RIMS1: variants seen among roughly 807,000 people sequenced by gnomAD.
RIMS1 encodes regulating synaptic membrane exocytosis protein 1.
RIMS1 carries 83 observed loss-of-function variants against 214.1 expected under a neutral mutation model. The ratio of observed to expected loss-of-function variants is 0.39; its 90% CI spans 0.32 to 0.47. The LOEUF (loss-of-function observed/expected upper bound fraction) is 0.47. Among genes scored for constraint, RIMS1 ranks in the 20% least tolerant of loss-of-function variants. The pLI, the probability that RIMS1 is intolerant of heterozygous loss-of-function variation, is 0.99. For synonymous variants in RIMS1, 793 were observed against 786.8 expected, an observed-to-expected ratio of 1.01 and a Z score of -0.13; for missense variants, 2,050 against 2,161.8, an observed-to-expected ratio of 0.95 and a Z score of 1.03.
rs772728844 is a variant in RIMS1, at chr6:72,258,321, T to A, written c.2927+40T>A. The stretch of plus-strand genomic sequence containing the variant: ...GGGCTCAGTGTCCCTGACAGTACAT[T>A]TTTATTATAATGCAGTGTAAATTGC... On this transcript the variant is annotated intron_variant, in intron 17 of 33. Transcript: ENST00000521978. The A allele has an allele frequency of 1.6e-5, 25 of 1,565,332 alleles. No individual in the cohort carries two copies. The African/African-American group carries it at 3.1e-4, about 20-fold the overall frequency.
chr6:72,108,753 G>A (rs1019491057), intron 4 of RIMS1, among the ~76,000 whole-genome samples: 11 of 151,350 alleles, frequency 7.3e-5, no homozygotes, highest in African/African-American at 2.4e-4. Context: ...ACAATATGCA[G>A]GTTAGTTACA....
chr6:72,306,273 C>T (rs750091910), intron 26 of RIMS1, among the ~76,000 whole-genome samples: 59 of 151,608 alleles, frequency 3.9e-4, no homozygotes, highest in Non-Finnish European at 2.4e-4. Context: ...ACACACACAG[C>T]CCTACAACTT....
intron 2 of RIMS1, among the ~76,000 whole-genome samples, chr6:71,992,966 CT>C (rs912281173): frequency 6.6e-6 from 1 of 152,090 alleles, no homozygotes; most frequent in Non-Finnish European, 1.5e-5. Flanking sequence ...TGGCCTTTGT[CT>C]TTTTTAATTT....
intron 1 of RIMS1, among the ~76,000 whole-genome samples, chr6:71,894,712 G>A (rs968319388): frequency 7.2e-5 from 11 of 152,052 alleles, no homozygotes; most frequent in Non-Finnish European, 1.5e-4. Context: ...GAGTTTAGAT[G>A]GCAAAATGAG....
At chr6:71,912,623 T>C (rs2099085509) in intron 1 of RIMS1, among the ~76,000 whole-genome samples, 1 of 152,098 alleles carries the variant, frequency 6.6e-6, no homozygotes, top group Non-Finnish European at 1.5e-5. Context: ...ACCAAGAACA[T>C]CTTAAATGGT....
intron 23 of RIMS1, among the ~76,000 whole-genome samples, chr6:72,276,163 C>T (rs181072151): frequency 6.6e-6 from 1 of 152,264 alleles, no homozygotes; most frequent in Non-Finnish European, 1.5e-5. Context: ...TGTAGTGAGC[C>T]ATGGTCATAC....
intron 28 of RIMS1, among the ~76,000 whole-genome samples, chr6:72,322,869 T>A (rs552192286): frequency 6.6e-6 from 1 of 152,180 alleles, no homozygotes; most frequent in East Asian, 1.9e-4. Flanking sequence ...GTGGAAGGCT[T>A]CAAATTTTGC....
rs1291242321 is a variant in RIMS1, at chr6:72,394,044, A to G, written c.4618+1234A>G. Among the ~76,000 whole-genome samples, 3 of 151,046 alleles carry G rather than the reference A, an allele frequency of 2.0e-5. No homozygotes were observed. In the South Asian group the frequency reaches 6.2e-4, roughly 31 times the overall value. ...TGAACTAAAAAAAAAAAAAAAAAAG[A>G]TGGAACCAAAAAACAAATGCTTCCT... On this transcript the variant is annotated intron_variant, in intron 31 of 33. Transcript: ENST00000521978.
chr6:72,102,762 C>A (rs1405911341), intron 4 of RIMS1, among the ~76,000 whole-genome samples: 2 of 151,954 alleles, frequency 1.3e-5, no homozygotes, highest in African/African-American at 4.8e-5. Context: ...CTCTTAAATA[C>A]CAAAGTGATG....
chr6:71,925,241 G>A (rs1038097532), intron 1 of RIMS1, among the ~76,000 whole-genome samples: 9 of 152,104 alleles, frequency 5.9e-5, no homozygotes, highest in East Asian at 3.8e-4. Flanking sequence ...ATGTGACTCC[G>A]TCTGACCTTA....
chr6:72,244,467 C>A (rs1243948273), intron 10 of RIMS1, among the ~76,000 whole-genome samples: 1 of 151,740 alleles, frequency 6.6e-6, no homozygotes, highest in African/African-American at 2.4e-5. Context: ...GGCTTTAGAA[C>A]TTCAAATTCT....
chr6:72,192,134 G>A (rs554890329), intron 6 of RIMS1, among the ~76,000 whole-genome samples: 1 of 152,260 alleles, frequency 6.6e-6, no homozygotes, highest in African/African-American at 2.4e-5. Context: ...ATGTGTCCGG[G>A]GACCCACTGG....
In RIMS1 at chr6:72,026,795, C is replaced by T. The variant is rs566131538; in HGVS notation, c.245+57732C>T. 5.9e-5 allele frequency among the ~76,000 whole-genome samples: 9 copies of T among 152,192 alleles called. 1 individual carries two copies. In the South Asian group the frequency reaches 1.9e-3, roughly 32 times the overall value. On this transcript the variant is annotated intron_variant, in intron 2 of 33. Coordinates refer to ENST00000521978, the MANE Select transcript of RIMS1 (RefSeq NM_014989.7). The stretch of plus-strand genomic sequence containing the variant: ...ACTTTTTGTATACTGCCTTGTATCA[C>T]CATTTTATAAGTTCATTTCATATCT...
intron 4 of RIMS1, among the ~76,000 whole-genome samples, chr6:72,124,650 A>G (rs1325949006): frequency 1.4e-5 from 2 of 147,480 alleles, no homozygotes; most frequent in Admixed American, 6.8e-5. Flanking sequence ...CCATAATCCC[A>G]TATTTCTTGG....
rs1309910626 is a variant in RIMS1, at chr6:72,243,878, A to G, written c.2081+1441A>G. ...ATAGAATTCAAAGGACATGGAATAC[A>G]AAGATTATAATTGAATCAGAATCAA... On this transcript the variant is annotated intron_variant, in intron 10 of 33. Coordinates refer to ENST00000521978, the MANE Select transcript of RIMS1 (RefSeq NM_014989.7). 4.0e-5 allele frequency among the ~76,000 whole-genome samples: 6 copies of G among 151,790 alleles called. No homozygotes were observed. In the East Asian group the frequency reaches 9.6e-4, roughly 24 times the overall value.
At chr6:72,094,844 T>C (rs1403273040) in intron 2 of RIMS1, among the ~76,000 whole-genome samples, 1 of 152,116 alleles carries the variant, frequency 6.6e-6, no homozygotes, top group Non-Finnish European at 1.5e-5. Flanking sequence ...TAAATAGATT[T>C]GATTTGGTGG....
intron 16 of RIMS1, among the ~76,000 whole-genome samples, chr6:72,257,423 G>A (rs1266889824): frequency 6.6e-6 from 1 of 151,894 alleles, no homozygotes; most frequent in Non-Finnish European, 1.5e-5. Context: ...TCTTAGTTAT[G>A]CTAATTAAAA....
intron 2 of RIMS1, among the ~76,000 whole-genome samples, chr6:72,070,297 C>T (rs1006284376): frequency 6.6e-6 from 1 of 151,820 alleles, no homozygotes; most frequent in African/African-American, 2.4e-5. Context: ...TTTCATATTT[C>T]CTTTTATTCA....
intron 2 of RIMS1, among the ~76,000 whole-genome samples, chr6:72,013,391 C>G (rs540683348): frequency 6.6e-6 from 1 of 152,154 alleles, no homozygotes; most frequent in African/African-American, 2.4e-5. Context: ...TTTGAATGTC[C>G]AGTGTATATA....
Sources: allele counts gnomAD v4.1 joint callset (sites outside exome capture counted in the v4.1 genomes callset), GRCh38; gene constraint gnomAD v4.1.1; transcripts MANE v1.5; gene names NCBI Gene and HGNC (gene_info 2026-07-23, HGNC 2026-07-21).